The following PTK2B variants were observed in gnomAD, a reference collection of about 807,000 sequenced individuals.
PTK2B encodes the protein protein tyrosine kinase 2 beta.
In PTK2B, 71 loss-of-function variants were observed where a neutral mutation model predicts 142.9. The ratio of observed to expected loss-of-function variants is 0.50; its 90% CI spans 0.41 to 0.61. PTK2B has a LOEUF of 0.61. Ranked by LOEUF, PTK2B falls within the 20% of genes least tolerant of loss-of-function variation. The pLI, the probability that PTK2B is intolerant of heterozygous loss-of-function variation, is 0.00. For missense variants in PTK2B, 1,105 were observed against 1,320.4 expected (o/e 0.84, Z 2.53); for synonymous variants, 519 against 503.4 (o/e 1.03, Z -0.42).
intron 1 of PTK2B, among the ~76,000 whole-genome samples, chr8:27,330,517 G>A (rs1803682509): frequency 6.6e-6 from 1 of 152,218 alleles, no homozygotes; most frequent in South Asian, 2.1e-4. Context: ...AGCCGGCACT[G>A]AAGTCTAGAT....
At chr8:27,365,271 C>T (rs1224119224) in intron 1 of PTK2B, among the ~76,000 whole-genome samples, 1 of 152,236 alleles carries the variant, frequency 6.6e-6, no homozygotes, top group Non-Finnish European at 1.5e-5. Flanking sequence ...CCCTGGATCA[C>T]TACTTACTCC....
At chr8:27,409,969 G>A (rs1808957710) in intron 2 of PTK2B, among the ~76,000 whole-genome samples, 1 of 152,112 alleles carries the variant, frequency 6.6e-6, no homozygotes, top group South Asian at 2.1e-4. Context: ...TGATCCTCCT[G>A]CCTCGGCCTC....
chr8:27,343,191 T>C (rs1804512668), intron 1 of PTK2B, among the ~76,000 whole-genome samples: 1 of 152,220 alleles, frequency 6.6e-6, no homozygotes, highest in Non-Finnish European at 1.5e-5. Flanking sequence ...ATTTTATGAT[T>C]GATCCTTCTT....
chr8:27,433,895 G>A lies in PTK2B; in HGVS notation c.1106-198G>A, dbSNP rs370668766. ...GAAGCAGGGGTCACAGCTGGAGCAC[G>A]TGAAATCTGGCCTGAGGCAGCCTCC... On this transcript the variant is annotated intron_variant, in intron 11 of 30. Coordinates refer to ENST00000346049, the MANE Select transcript of PTK2B (RefSeq NM_173176.3). Among the ~76,000 whole-genome samples the A allele has an allele frequency of 1.7e-3, 266 of 152,356 alleles. 1 individual carries two copies. The highest frequency in any genetic ancestry group is 6.0e-3 in the African/African-American group (250 of 41,574).
At chr8:27,431,504 C>T (rs754964892) in intron 9 of PTK2B, 32 bp downstream of exon 9, 6 of 1,612,826 alleles carry the variant, frequency 3.7e-6, no homozygotes, top group Non-Finnish European at 5.1e-6. Flanking sequence ...CCACCCAGCC[C>T]CAGGCGGGGA....
chr8:27,369,754 C>T (rs1449203440), intron 1 of PTK2B, among the ~76,000 whole-genome samples: 1 of 151,900 alleles, frequency 6.6e-6, no homozygotes, highest in Non-Finnish European at 1.5e-5. Flanking sequence ...GCAGGTGGAT[C>T]ACCTGAGGGC....
At chr8:27,377,091 G>A (rs893858276) in intron 1 of PTK2B, among the ~76,000 whole-genome samples, 2 of 152,142 alleles carry the variant, frequency 1.3e-5, no homozygotes, top group Admixed American at 1.3e-4. Flanking sequence ...AGCTCCAGAG[G>A]CAGAGCTGCC....
intron 9 of PTK2B, 73 bp downstream of exon 9, chr8:27,431,545 G>A (rs1810428399): frequency 1.3e-6 from 2 of 1,574,654 alleles, no homozygotes; most frequent in East Asian, 2.2e-5. Context: ...CTCCCGCCCT[G>A]TCTGCCCCTT....
chr8:27,398,703 G>A (rs1254505359), intron 2 of PTK2B, among the ~76,000 whole-genome samples: 1 of 152,146 alleles, frequency 6.6e-6, no homozygotes, highest in African/African-American at 2.4e-5. Flanking sequence ...AGCTAATCAG[G>A]TCTGAGGACA....
At chr8:27,430,674 C>T (rs1810354306) in intron 7 of PTK2B, among the ~76,000 whole-genome samples, 1 of 152,214 alleles carries the variant, frequency 6.6e-6, no homozygotes, top group African/African-American at 2.4e-5. Context: ...CCCCTCGCCC[C>T]CTCAACCTCC....
chr8:27,394,666 C>T (rs1807932173), intron 1 of PTK2B, among the ~76,000 whole-genome samples: 1 of 152,116 alleles, frequency 6.6e-6, no homozygotes, highest in African/African-American at 2.4e-5. Context: ...ATAGATTAAC[C>T]TTAGCTTACT....
intron 1 of PTK2B, among the ~76,000 whole-genome samples, chr8:27,345,086 C>T (rs1481209403): frequency 6.6e-6 from 1 of 152,198 alleles, no homozygotes; most frequent in Non-Finnish European, 1.5e-5. Context: ...TCGCTTGAAC[C>T]CAGGAGCCAA....
rs1810775186 is a variant in PTK2B at position 27,436,345 on chromosome 8, T to A, written c.1338T>A (p.Asn446Lys). 10 of 1,609,900 alleles carry A rather than the reference T, an allele frequency of 6.2e-6. No individual in the cohort carries two copies. The highest frequency in any genetic ancestry group is 8.5e-6 in the Non-Finnish European group (10 of 1,176,120). ...AGGTCTATGAAGGTGTCTACACAAA[T>A]CACGTGAGTTCTAGGATCTTCCCTT... ...FGEVYEGVYT[N>K]HKGEKINVAV... is the part of the protein sequence containing the mutation. Residue 446 changes from asparagine to lysine, a missense_variant, in exon 15 of 31, where the codon AAT (asparagine) becomes AAA (lysine). Asn to Lys is a moderately conservative substitution (Grantham distance 94). Coordinates refer to ENST00000346049, the MANE Select transcript of PTK2B (RefSeq NM_173176.3).
At chr8:27,430,058 C>T in intron 5 of PTK2B, 35 bp from the exon 6 acceptor site, 1 of 1,590,758 alleles carries the variant, frequency 6.3e-7, no homozygotes, top group Non-Finnish European at 8.6e-7. Context: ...CATTCTCCAG[C>T]CTTCAGCCTC....
At chr8:27,385,217 C>T (rs1008281102) in intron 1 of PTK2B, among the ~76,000 whole-genome samples, 4 of 152,130 alleles carry the variant, frequency 2.6e-5, no homozygotes, top group Non-Finnish European at 5.9e-5. Context: ...GGTTGGGCTA[C>T]GGAAGCACTC....
At position 27,451,488 on chromosome 8, in the gene PTK2B, C is replaced by A; in HGVS notation, c.2527C>A (p.Pro843Thr). 3 of 1,614,124 alleles carry A rather than the reference C, an allele frequency of 1.9e-6. No individual in the cohort carries two copies. Among genetic ancestry groups the A allele is most frequent in the Non-Finnish European group, 2.5e-6 (3 of 1,180,016 alleles). The change falls in exon 27 of 31, where the codon CCA becomes ACA. Residue 843 changes from proline to threonine, a missense_variant. Coordinates refer to ENST00000346049, the MANE Select transcript of PTK2B (RefSeq NM_173176.3). The stretch of plus-strand genomic sequence containing the variant: ...TTCTCTTTCCTCCTTCCTCCAGACG[C>A]CAGAGAAGGAGGTCGGCTACCGTGA... The part of the protein sequence containing the change: ...VYMNDKSPLT[P>T]EKEVGYLEFT...
At chr8:27,443,948 C>T (rs1032481735) in intron 22 of PTK2B, among the ~76,000 whole-genome samples, 2 of 152,244 alleles carry the variant, frequency 1.3e-5, no homozygotes, top group African/African-American at 4.8e-5. Context: ...AGGGAAGCAA[C>T]ACATGCACCA....
intron 3 of PTK2B, among the ~76,000 whole-genome samples, chr8:27,320,438 C>T (rs923129427): frequency 1.3e-5 from 2 of 152,154 alleles, no homozygotes; most frequent in African/African-American, 4.8e-5. Context: ...CCCTGCCACC[C>T]CGCTCCAGCT....
intron 26 of PTK2B, among the ~76,000 whole-genome samples, 169 bp from the exon 27 acceptor site, chr8:27,451,316 C>G (rs552683822): frequency 6.6e-6 from 1 of 152,314 alleles, no homozygotes; most frequent in South Asian, 2.1e-4. Flanking sequence ...GCCCCTCGGC[C>G]TCCCAGAAAG....
Sources: allele counts gnomAD v4.1 joint callset (sites outside exome capture counted in the v4.1 genomes callset), GRCh38; gene constraint gnomAD v4.1.1; transcripts MANE v1.5; gene names NCBI Gene and HGNC (gene_info 2026-07-23, HGNC 2026-07-21).